The following CYRIB variants were observed in gnomAD, a reference collection of about 807,000 sequenced individuals.
CYRIB encodes the protein CYFIP-related Rac1 interactor B.
In CYRIB, 8 loss-of-function variants were observed where a neutral mutation model predicts 44.2. The ratio of observed to expected loss-of-function variants is 0.18; its 90% CI spans 0.11 to 0.33. The LOEUF is 0.33. CYRIB is among the 10% of genes least tolerant of loss of function. The pLI is 1.00. For missense variants in CYRIB, 185 were observed against 382.8 expected (o/e 0.48, Z 4.31); for synonymous variants, 131 against 127.2 (o/e 1.03, Z -0.20).
chr8:129,975,851 T>C (rs2095892849), intron 1 of CYRIB, among the ~76,000 whole-genome samples: 1 of 152,172 alleles, frequency 6.6e-6, no homozygotes, highest in Non-Finnish European at 1.5e-5. Flanking sequence ...GGGTCCCCAC[T>C]CTGCATAATT....
At chr8:129,951,473 G>A (rs1458990392) in intron 2 of CYRIB, among the ~76,000 whole-genome samples, 1 of 151,812 alleles carries the variant, frequency 6.6e-6, no homozygotes, top group African/African-American at 2.4e-5. Flanking sequence ...TTGGGAGGCC[G>A]AGGCGGGCAG....
At chr8:129,858,413 G>A (rs1330049460) in intron 5 of CYRIB, among the ~76,000 whole-genome samples, 1 of 152,208 alleles carries the variant, frequency 6.6e-6, no homozygotes, top group Non-Finnish European at 1.5e-5. Flanking sequence ...AGGTTGCAAG[G>A]AAAAGACAAC....
intron 1 of CYRIB, among the ~76,000 whole-genome samples, chr8:129,980,227 C>CAAAAA (rs58630436): frequency 5.6e-4 from 51 of 90,746 alleles, no homozygotes; most frequent in Non-Finnish European, 8.2e-4. Flanking sequence ...GACTCCATCT[C>CAAAAA]AAAAAAAAAA....
intron 4 of CYRIB, chr8:129,868,718 T>C (rs934713313): frequency 1.3e-5 from 2 of 152,024 alleles, no homozygotes; most frequent in African/African-American, 4.8e-5. Flanking sequence ...ATATATCCTA[T>C]ATATAAACTT....
intron 1 of CYRIB, among the ~76,000 whole-genome samples, chr8:130,009,244 A>G (rs2097169173): frequency 1.3e-5 from 2 of 151,512 alleles, no homozygotes; most frequent in South Asian, 4.2e-4. Context: ...TTTTTCATAA[A>G]GCCATCTGAG....
intron 4 of CYRIB, among the ~76,000 whole-genome samples, chr8:129,864,117 T>C (rs1007788423): frequency 6.6e-6 from 1 of 152,268 alleles, no homozygotes; most frequent in Non-Finnish European, 1.5e-5. Flanking sequence ...GGTTAAGCAA[T>C]TTACTTTACA....
At chr8:129,875,297 C>G (rs2058731238) in intron 3 of CYRIB, among the ~76,000 whole-genome samples, 1 of 151,580 alleles carries the variant, frequency 6.6e-6, no homozygotes, top group Non-Finnish European at 1.5e-5. Flanking sequence ...GACAGTTTCA[C>G]TCTGCTACTC....
chr8:129,948,732 A>G (rs1180431620), intron 2 of CYRIB: 3 of 152,266 alleles, frequency 2.0e-5, no homozygotes, highest in Non-Finnish European at 1.5e-5. Flanking sequence ...CCCACCTTAC[A>G]TAGCATACCA....
intron 2 of CYRIB, among the ~76,000 whole-genome samples, chr8:129,888,757 G>T (rs1038829390): frequency 6.6e-6 from 1 of 152,160 alleles, no homozygotes; most frequent in African/African-American, 2.4e-5. Flanking sequence ...TGCCTGGGAT[G>T]TAGTTGGTAT....
intron 1 of CYRIB, among the ~76,000 whole-genome samples, chr8:130,014,213 C>T (rs6987080): frequency 1.5e-4 from 23 of 151,930 alleles, no homozygotes; most frequent in Non-Finnish European, 2.9e-4. Context: ...GCTAAGGCAG[C>T]GAGGATCCCT....
intron 1 of CYRIB, among the ~76,000 whole-genome samples, chr8:129,920,014 A>G (rs1209441289): frequency 2.6e-5 from 4 of 151,132 alleles, no homozygotes. Context: ...TGTTATTTCT[A>G]TTTATTGGAT....
intron 2 of CYRIB, among the ~76,000 whole-genome samples, chr8:129,956,376 G>A (rs1250475234): frequency 6.6e-6 from 1 of 152,116 alleles, no homozygotes; most frequent in Non-Finnish European, 1.5e-5. Flanking sequence ...ACTAATGCTT[G>A]TGTCCCACCC....
chr8:129,996,147 G>A (rs1468679096), intron 1 of CYRIB, among the ~76,000 whole-genome samples: 1 of 152,154 alleles, frequency 6.6e-6, no homozygotes, highest in Non-Finnish European at 1.5e-5. Flanking sequence ...TGAACACCAA[G>A]GCACTTTGCT....
chr8:129,963,106 C>CT (rs985916084), intron 2 of CYRIB, among the ~76,000 whole-genome samples: 2 of 152,164 alleles, frequency 1.3e-5, no homozygotes, highest in Admixed American at 1.3e-4. Flanking sequence ...GAACAGTGGC[C>CT]TTTTTTTACC....
At chr8:129,885,751 C>T (rs1490093118) in intron 2 of CYRIB, among the ~76,000 whole-genome samples, 1 of 152,066 alleles carries the variant, frequency 6.6e-6, no homozygotes, top group East Asian at 1.9e-4. Flanking sequence ...AGTGCAGCCT[C>T]AGTTTTGCTA....
At chr8:129,843,981 A>C (rs1448927979) in intron 11 of CYRIB, 6 of 152,358 alleles carry the variant, frequency 3.9e-5, no homozygotes, top group Non-Finnish European at 8.8e-5. Flanking sequence ...AAATCCATAA[A>C]GGAATATTGA....
intron 1 of CYRIB, among the ~76,000 whole-genome samples, chr8:129,989,490 C>CT (rs2096567754): frequency 6.6e-6 from 1 of 152,206 alleles, no homozygotes; most frequent in South Asian, 2.1e-4. Context: ...AAGGGGCACT[C>CT]TGAGTCGTTC....
At chr8:129,954,088 T>C (rs1487003620) in intron 2 of CYRIB, among the ~76,000 whole-genome samples, 1 of 152,066 alleles carries the variant, frequency 6.6e-6, no homozygotes, top group Non-Finnish European at 1.5e-5. Context: ...TGAGAACGTA[T>C]CCCTCTCCCC....
intron 2 of CYRIB, among the ~76,000 whole-genome samples, chr8:129,898,549 A>G (rs190444934): frequency 1.3e-5 from 2 of 152,228 alleles, no homozygotes; most frequent in Non-Finnish European, 2.9e-5. Flanking sequence ...AGCCTTGTAC[A>G]CTAACGGAAT....
Sources: allele counts gnomAD v4.1 joint callset (sites outside exome capture counted in the v4.1 genomes callset), GRCh38; gene constraint gnomAD v4.1.1; transcripts MANE v1.5; gene names NCBI Gene and HGNC (gene_info 2026-07-23, HGNC 2026-07-21).